CDC14B: variants seen among roughly 807,000 people sequenced by gnomAD.
CDC14B encodes the protein dual specificity protein phosphatase CDC14B.
Under a neutral mutation model 64.2 loss-of-function variants are expected in CDC14B, and 22 were observed. The observed-to-expected ratio is 0.34, with a 90% CI of 0.24 to 0.49. The LOEUF (loss-of-function observed/expected upper bound fraction) is 0.49. CDC14B is among the 20% of genes least tolerant of loss of function. CDC14B has a pLI of 0.99. For missense variants in CDC14B, 498 were observed against 629.9 expected (o/e 0.79, Z 2.24); for synonymous variants, 191 against 215.8 (o/e 0.89, Z 1.01).
At chr9:96,493,527 T>A (rs1442850783) in intron 13 of CDC14B, among the ~76,000 whole-genome samples, 1 of 152,174 alleles carries the variant, frequency 6.6e-6, no homozygotes, top group Non-Finnish European at 1.5e-5. Flanking sequence ...TATTATCAAA[T>A]AAGATACAGA....
At position 96,502,688 on chromosome 9, in the gene CDC14B, G is replaced by A. The variant is rs903665269; in HGVS notation, c.*1065C>T. ...GTGTTCCAGTAGGGCTGCGGGAGAA[G>A]GCACTCTGCAGAGTTACTAGTTGTG... is the stretch of plus-strand genomic sequence containing the variant. On this transcript the variant is annotated 3_prime_UTR_variant, in exon 14 of 14. Coordinates refer to ENST00000375241, the MANE Select transcript of CDC14B (RefSeq NM_033331.4). 1.3e-5 allele frequency: 5 copies of A among 391,348 alleles called. No individual in the cohort carries two copies. Among genetic ancestry groups the A allele is most frequent in the Non-Finnish European group, 2.3e-5 (5 of 221,978 alleles). 24.2% of individuals were successfully genotyped at this position (391,348 alleles called of 1,614,324 possible).
intron 9 of CDC14B, among the ~76,000 whole-genome samples, chr9:96,525,120 TTCTCAGGCTA>T (rs1274146114): frequency 6.6e-6 from 1 of 151,922 alleles, no homozygotes; most frequent in Non-Finnish European, 1.5e-5. Flanking sequence ...AGTCAGAAAA[TTCTCAGGCTA>T]TCCATATTGC....
chr9:96,581,262 T>G (rs1023112253), intron 1 of CDC14B, among the ~76,000 whole-genome samples: 5 of 151,102 alleles, frequency 3.3e-5, no homozygotes, highest in African/African-American at 1.2e-4. Flanking sequence ...CAGATTTGTA[T>G]CCAATGAAGC....
rs540116339 is a variant in CDC14B, at chr9:96,561,783, G to A, written c.420+910C>T. Among the ~76,000 whole-genome samples the A allele has an allele frequency of 9.2e-5, 14 of 152,140 alleles. No homozygotes were observed. The South Asian group carries it at 1.5e-3, about 16-fold the overall frequency. Reference sequence around the variant, plus strand: ...ATTACAGGCGTAAGCCACTGCGCCCGGCCAAAACAACCCTTTTTTTCAAGT... The same window carrying A: ...ATTACAGGCGTAAGCCACTGCGCCCAGCCAAAACAACCCTTTTTTTCAAGT... On this transcript the variant is annotated intron_variant, in intron 4 of 13. Coordinates refer to ENST00000375241, the MANE Select transcript of CDC14B (RefSeq NM_033331.4).
At position 96,619,314 on chromosome 9, in the gene CDC14B, G is replaced by C. The variant is rs753515951; in HGVS notation, c.65C>G (p.Ser22Trp). The change falls in exon 1 of 14, where the codon TCG (serine) becomes TGG (tryptophan). Residue 22 changes from serine to tryptophan, a missense_variant. Coordinates refer to ENST00000375241, the MANE Select transcript of CDC14B (RefSeq NM_033331.4). Reference protein sequence around the residue: ...AAAPPCSRRCSSTSPGVKKIR... With the variant: ...AAAPPCSRRCWSTSPGVKKIR... ...CTTCTTCACACCCGGCGAGGTCGAC[G>C]AGCAGCGCCGCGAGCAGGGGGGCGC... The C allele has an allele frequency of 1.7e-5, 22 of 1,305,916 alleles. No homozygotes were observed. The highest frequency in any genetic ancestry group is 2.1e-5 in the Non-Finnish European group (21 of 1,024,136). The allele number at this position is 1,305,916 out of a possible 1,614,324, so 80.9% of individuals were successfully genotyped here.
At chr9:96,582,607 G>A (rs993750085) in intron 1 of CDC14B, among the ~76,000 whole-genome samples, 2 of 152,148 alleles carry the variant, frequency 1.3e-5, no homozygotes, top group South Asian at 2.1e-4. Context: ...GTGTACTTTC[G>A]TGACAAAACT....
rs574667352 is a variant in CDC14B, at chr9:96,560,436, T to C, written c.420+2257A>G. Among the ~76,000 whole-genome samples the C allele has an allele frequency of 5.3e-5, 8 of 152,314 alleles. No individual in the cohort carries two copies. The South Asian group carries it at 1.7e-3, about 32-fold the overall frequency. ...CAAGAATTCTGGCTGAATTCCTTTT[T>C]CTATAAAGTTGTCATGATTTATGTT... On this transcript the variant is annotated intron_variant, in intron 4 of 13. Coordinates refer to ENST00000375241, the MANE Select transcript of CDC14B (RefSeq NM_033331.4).
intron 1 of CDC14B, among the ~76,000 whole-genome samples, chr9:96,594,070 C>T (rs774741589): frequency 2.0e-5 from 3 of 152,140 alleles, no homozygotes; most frequent in Non-Finnish European, 4.4e-5. Context: ...GAAAAAGCAA[C>T]TAACTTAAAT....
intron 1 of CDC14B, among the ~76,000 whole-genome samples, chr9:96,606,889 A>G (rs1379984151): frequency 6.6e-6 from 1 of 152,074 alleles, no homozygotes; most frequent in Non-Finnish European, 1.5e-5. Context: ...TTTAAAAATT[A>G]GCTGGGCATG....
At chr9:96,514,796 G>A (rs1386847235) in intron 12 of CDC14B, 3 of 985,300 alleles carry the variant, frequency 3.0e-6, no homozygotes, top group Admixed American at 1.2e-4. Flanking sequence ...GCCTTCTGGG[G>A]GTCTTCAACA....
intron 12 of CDC14B, among the ~76,000 whole-genome samples, chr9:96,516,729 G>A (rs1374260679): frequency 6.6e-6 from 1 of 152,054 alleles, no homozygotes; most frequent in Non-Finnish European, 1.5e-5. Flanking sequence ...GCCTGCCTCA[G>A]CATCCCAAAA....
intron 1 of CDC14B, among the ~76,000 whole-genome samples, chr9:96,594,728 A>AG (rs1227412907): frequency 6.7e-6 from 1 of 149,368 alleles, no homozygotes; most frequent in East Asian, 1.9e-4. Flanking sequence ...AAAAAAAAAA[A>AG]AAAAAAAAAA....
Position 96,523,691 on chromosome 9 carries a change from G to A in CDC14B, c.981C>T (p.Cys327=). 1.2e-6 allele frequency: 2 copies of A among 1,614,096 alleles called. No individual in the cohort carries two copies. Among genetic ancestry groups the A allele is most frequent in the South Asian group, 2.2e-5 (2 of 91,082 alleles). ...GLGRTGTLIA[C]YIMKHYRMTA... is the part of the protein sequence containing the mutation. The stretch of plus-strand genomic sequence containing the variant: ...TCATCCTGTAATGCTTCATGATGTA[G>A]CAGGCTATCAGAGTGCCCGTGCGAC... The change falls in exon 10 of 14, where the codon TGC becomes TGT. Residue 327 remains cysteine, a synonymous_variant. Coordinates refer to ENST00000375241, the MANE Select transcript of CDC14B (RefSeq NM_033331.4).
At chr9:96,604,744 C>T (rs1846767875) in intron 1 of CDC14B, among the ~76,000 whole-genome samples, 1 of 151,762 alleles carries the variant, frequency 6.6e-6, no homozygotes, top group Non-Finnish European at 1.5e-5. Flanking sequence ...TCTTGGCTCA[C>T]TGCAACTTCA....
intron 13 of CDC14B, among the ~76,000 whole-genome samples, chr9:96,508,747 C>T (rs1173634402): frequency 6.6e-6 from 1 of 152,214 alleles, no homozygotes; most frequent in Non-Finnish European, 1.5e-5. Flanking sequence ...GAACTCCCAG[C>T]TCTGCCAAGG....
At position 96,617,789 on chromosome 9, in the gene CDC14B, T is replaced by C. The variant is rs563278610; in HGVS notation, c.160+1430A>G. Among the ~76,000 whole-genome samples, 4 of 152,346 alleles carry C rather than the reference T, an allele frequency of 2.6e-5. No homozygotes were observed. In the South Asian group the frequency reaches 8.3e-4, roughly 32 times the overall value. ...CCTTTAGAATTGGAGTTCTGTACCA[T>C]GTAAATGCATTACTTGTCCTAAAAT... On this transcript the variant is annotated intron_variant, in intron 1 of 13. Transcript: ENST00000375241.
chr9:96,610,292 G>A (rs1247489684), intron 1 of CDC14B, among the ~76,000 whole-genome samples: 3 of 152,046 alleles, frequency 2.0e-5, no homozygotes, highest in Non-Finnish European at 2.9e-5. Context: ...CTGCCCCCAG[G>A]GGTTCACGCC....
chr9:96,561,189 G>A (rs990435695), intron 4 of CDC14B, among the ~76,000 whole-genome samples: 2 of 151,976 alleles, frequency 1.3e-5, no homozygotes, highest in Non-Finnish European at 2.9e-5. Context: ...TGCCTGCCTC[G>A]GCCTCCCAAT....
intron 9 of CDC14B, among the ~76,000 whole-genome samples, chr9:96,527,353 C>T (rs190881348): frequency 3.3e-5 from 5 of 152,138 alleles, no homozygotes; most frequent in African/African-American, 7.2e-5. Context: ...GAGCTGAGAT[C>T]GTGCCACTGC....
Sources: gnomAD v4.1 joint callset for allele counts (sites outside exome capture counted in the v4.1 genomes callset) on GRCh38, gnomAD v4.1.1 for gene constraint, MANE v1.5 for transcripts, NCBI Gene and HGNC (gene_info 2026-07-23, HGNC 2026-07-21) for gene names.